The following KCMF1 variants were observed in gnomAD, a reference collection of about 807,000 sequenced individuals.
KCMF1 encodes the protein potassium channel modulatory factor 1.
In KCMF1, 3 loss-of-function variants were observed where a neutral mutation model predicts 41.1. The observed-to-expected ratio is 0.07, with a 90% CI of 0.03 to 0.19. The LOEUF (loss-of-function observed/expected upper bound fraction) is 0.19. KCMF1 is among the 10% of genes least tolerant of loss of function. KCMF1 has a pLI of 1.00. For missense variants in KCMF1, 286 were observed against 488.9 expected, an observed-to-expected ratio of 0.58 and a Z score of 3.91; for synonymous variants, 142 against 164.5, an observed-to-expected ratio of 0.86 and a Z score of 1.04.
rs576257175 is a variant in KCMF1 at position 85,057,457 on chromosome 2, G to T, written c.*4048G>T. 7.2e-5 allele frequency: 11 copies of T among 152,360 alleles called. No individual in the cohort carries two copies. Among genetic ancestry groups the T allele is most frequent in the African/African-American group, 2.6e-4 (11 of 41,572 alleles). 9.4% of individuals were successfully genotyped at this position (152,360 alleles called of 1,614,324 possible). ...AGTGGGTAGAGGTTAGGGTTAGAGT[G>T]CAGGATGGAGCAGCAGTCTGCAGAC... On this transcript the variant is annotated 3_prime_UTR_variant, in exon 7 of 7. Coordinates refer to ENST00000409785, the MANE Select transcript of KCMF1 (RefSeq NM_020122.5).
At chr2:84,999,542 G>A (rs112393048) in intron 1 of KCMF1, among the ~76,000 whole-genome samples, 20 of 152,266 alleles carry the variant, frequency 1.3e-4, no homozygotes, top group African/African-American at 4.3e-4. Flanking sequence ...AGAATCTGAC[G>A]TTACAGTGAA....
At chr2:84,982,273 G>A (rs908731185) in intron 1 of KCMF1, among the ~76,000 whole-genome samples, 3 of 151,822 alleles carry the variant, frequency 2.0e-5, no homozygotes, top group Admixed American at 2.0e-4. Context: ...GGTGTCCTCT[G>A]TGGTTGTAGA....
chr2:85,007,796 G>C (rs1269451761), intron 1 of KCMF1, among the ~76,000 whole-genome samples: 1 of 149,050 alleles, frequency 6.7e-6, no homozygotes, highest in Non-Finnish European at 1.5e-5. Context: ...TTTTGAGACA[G>C]AGTCTCGTCA....
Position 85,035,095 on chromosome 2 carries a change from T to C in KCMF1, c.264T>C (p.Tyr88=), listed in dbSNP as rs1160571167. 6.2e-7 allele frequency: 1 copy of C among 1,613,608 alleles called. No homozygotes were observed. The highest frequency in any genetic ancestry group is 1.1e-5 in the South Asian group (1 of 91,030). The change falls in exon 3 of 7, where the codon TAT becomes TAC. Residue 88 remains tyrosine (Y), a synonymous_variant. Coordinates refer to ENST00000409785, the MANE Select transcript of KCMF1 (RefSeq NM_020122.5). Reference sequence around the variant, plus strand: ...GTCCCTATTGTGGAAAAATGGGCTATACGGAGACATCTCTTCAAGAACATG... The same window carrying C: ...GTCCCTATTGTGGAAAAATGGGCTACACGGAGACATCTCTTCAAGAACATG... ...FTCPYCGKMG[Y]TETSLQEHVT...
At chr2:84,989,870 G>C (rs150867818) in intron 1 of KCMF1, among the ~76,000 whole-genome samples, 5 of 152,306 alleles carry the variant, frequency 3.3e-5, no homozygotes, top group African/African-American at 1.2e-4. Flanking sequence ...TGAACATGAG[G>C]ACTAGGCTAA....
At position 85,057,895 on chromosome 2, in the gene KCMF1, A is replaced by C. The variant is rs1462509377; in HGVS notation, c.*4486A>C. 6.6e-6 allele frequency: 1 copy of C among 152,234 alleles called. No homozygotes were observed. The highest frequency in any genetic ancestry group is 2.4e-5 in the African/African-American group (1 of 41,456). 9.4% of individuals were successfully genotyped at this position (152,234 alleles called of 1,614,324 possible). A position where few individuals can be genotyped will look rare whatever the true frequency, so the allele number is the denominator to read the frequency against. ...TTAGTCGGTTGCTATTAGGTGGGTA[A>C]TGCCTAATAACATGGGTTCCTCAAA... On this transcript the variant is annotated 3_prime_UTR_variant, in exon 7 of 7. Coordinates refer to ENST00000409785, the MANE Select transcript of KCMF1 (RefSeq NM_020122.5).
At chr2:85,031,815 C>T (rs758122851) in intron 2 of KCMF1, among the ~76,000 whole-genome samples, 1 of 152,206 alleles carries the variant, frequency 6.6e-6, no homozygotes, top group Non-Finnish European at 1.5e-5. Flanking sequence ...CATCATGGCT[C>T]ATTGCAGTCT....
intron 1 of KCMF1, among the ~76,000 whole-genome samples, chr2:85,004,619 T>TGAG (rs1317801429): frequency 6.6e-6 from 1 of 152,026 alleles, no homozygotes; most frequent in African/African-American, 2.4e-5. Context: ...TTGCAGAGTG[T>TGAG]GAGAACAACT....
At chr2:85,046,656 AG>A (rs1675674475) in intron 5 of KCMF1, among the ~76,000 whole-genome samples, 1 of 151,360 alleles carries the variant, frequency 6.6e-6, no homozygotes, top group Non-Finnish European at 1.5e-5. Flanking sequence ...ACTTTTTGTG[AG>A]ATTTGTGTTC....
intron 1 of KCMF1, among the ~76,000 whole-genome samples, chr2:85,023,825 G>C (rs1223187188): frequency 6.6e-6 from 1 of 152,156 alleles, no homozygotes; most frequent in Admixed American, 6.5e-5. Flanking sequence ...ACTCCTACCA[G>C]CAGGGTATAA....
intron 3 of KCMF1, among the ~76,000 whole-genome samples, chr2:85,038,539 G>T (rs576946603): frequency 2.6e-5 from 4 of 152,216 alleles, no homozygotes; most frequent in Non-Finnish European, 4.4e-5. Flanking sequence ...TTGGGCAGGA[G>T]ATCCAAAAGC....
chr2:84,986,686 G>A (rs920273472), intron 1 of KCMF1, among the ~76,000 whole-genome samples: 1 of 151,444 alleles, frequency 6.6e-6, no homozygotes, highest in Non-Finnish European at 1.5e-5. Context: ...GACCAGCCTG[G>A]CCAAGATGGT....
At chr2:85,031,609 A>G (rs890524454) in intron 2 of KCMF1, among the ~76,000 whole-genome samples, 5 of 152,324 alleles carry the variant, frequency 3.3e-5, no homozygotes, top group Middle Eastern at 3.4e-3. Flanking sequence ...CTAAGCTATG[A>G]TGTTTGGTAG....
intron 1 of KCMF1, among the ~76,000 whole-genome samples, chr2:85,006,831 C>T (rs1335020698): frequency 1.3e-5 from 2 of 151,378 alleles, no homozygotes; most frequent in Non-Finnish European, 2.9e-5. Flanking sequence ...ACATCTCGGC[C>T]AGGCGCGGTG....
At chr2:85,034,034 A>AATT (rs150412648) in intron 2 of KCMF1, among the ~76,000 whole-genome samples, 9 of 149,506 alleles carry the variant, frequency 6.0e-5, no homozygotes, top group African/African-American at 2.2e-4. Flanking sequence ...AAAAAAAAAA[A>AATT]TTTTTTTTTT....
chr2:85,029,782 A>G (rs1675220583), intron 2 of KCMF1, among the ~76,000 whole-genome samples: 1 of 150,734 alleles, frequency 6.6e-6, no homozygotes, highest in Non-Finnish European at 1.5e-5. Context: ...CCTGGGTTCA[A>G]GCGATTCTCC....
rs1021550279 is a variant in KCMF1 at position 85,053,623 on chromosome 2, G to T, written c.*214G>T. 1.1e-5 allele frequency: 6 copies of T among 539,032 alleles called. No individual in the cohort carries two copies. Among genetic ancestry groups the T allele is most frequent in the African/African-American group, 9.5e-5 (5 of 52,488 alleles). 33.4% of individuals were successfully genotyped at this position (539,032 alleles called of 1,614,324 possible). On this transcript the variant is annotated 3_prime_UTR_variant, in exon 7 of 7. Coordinates refer to ENST00000409785, the MANE Select transcript of KCMF1 (RefSeq NM_020122.5). Reference sequence around the variant, plus strand: ...AGGTAAATGTAGGTAGCAGTGCAGGGGTGATCTCTGCTTCCTGTACCTTGA... The same window carrying T: ...AGGTAAATGTAGGTAGCAGTGCAGGTGTGATCTCTGCTTCCTGTACCTTGA...
At chr2:85,048,076 G>A (rs1233592249) in intron 5 of KCMF1, among the ~76,000 whole-genome samples, 1 of 151,804 alleles carries the variant, frequency 6.6e-6, no homozygotes, top group East Asian at 1.9e-4. Context: ...ACTGTGTAAC[G>A]GACCTTCACA....
At chr2:85,031,500 C>T (rs962955281) in intron 2 of KCMF1, among the ~76,000 whole-genome samples, 16 of 151,998 alleles carry the variant, frequency 1.1e-4, no homozygotes, top group African/African-American at 2.4e-4. Context: ...ATTTTCAGTG[C>T]GGTCTTCAAT....
Sources: gnomAD v4.1 joint callset for allele counts (sites outside exome capture counted in the v4.1 genomes callset) on GRCh38, gnomAD v4.1.1 for gene constraint, MANE v1.5 for transcripts, NCBI Gene and HGNC (gene_info 2026-07-23, HGNC 2026-07-21) for gene names.